CAMSAP2: variants seen among roughly 807,000 people sequenced by gnomAD.
CAMSAP2 encodes calmodulin regulated spectrin associated protein family member 2, also known as calmodulin-regulated spectrin-associated protein 2.
In CAMSAP2, 26 loss-of-function variants were observed where a neutral mutation model predicts 146.1. The ratio of observed to expected loss-of-function variants is 0.18; its 90% CI spans 0.13 to 0.25. The LOEUF (loss-of-function observed/expected upper bound fraction) is 0.25. Among genes scored for constraint, CAMSAP2 ranks in the 10% least tolerant of loss-of-function variants. The probability of loss-of-function intolerance (pLI) is 1.00; values close to 1 mark genes in which losing one functional copy is unlikely to be tolerated. For synonymous variants in CAMSAP2, 499 were observed against 596.6 expected, an observed-to-expected ratio of 0.84 and a Z score of 2.38; for missense variants, 1,381 against 1,759.3, an observed-to-expected ratio of 0.78 and a Z score of 3.85.
chr1:200,759,864 AGAG>A (rs1469888884), intron 1 of CAMSAP2, among the ~76,000 whole-genome samples: 1 of 152,206 alleles, frequency 6.6e-6, no homozygotes. Context: ...TAAGAAATGG[AGAG>A]GAGGAGGAAG....
intron 4 of CAMSAP2, among the ~76,000 whole-genome samples, chr1:200,825,041 AT>A (rs926617015): frequency 2.8e-4 from 42 of 151,394 alleles, no homozygotes; most frequent in African/African-American, 4.1e-4. Flanking sequence ...TTTGTTTGCA[AT>A]TTTTTTTTAG....
intron 2 of CAMSAP2, among the ~76,000 whole-genome samples, chr1:200,768,888 G>A (rs370057490): frequency 6.6e-6 from 1 of 152,150 alleles, no homozygotes; most frequent in East Asian, 1.9e-4. Flanking sequence ...TCCTGACCTC[G>A]TGATCCACCC....
In CAMSAP2 at chr1:200,856,091, A is replaced by T; in HGVS notation, c.3978A>T (p.Thr1326=). The T allele has an allele frequency of 6.2e-6, 10 of 1,613,796 alleles. No individual in the cohort carries two copies. Among genetic ancestry groups the T allele is most frequent in the Non-Finnish European group, 8.5e-6 (10 of 1,179,684 alleles). Residue 1326 remains threonine, a synonymous_variant, in exon 15 of 17, where the codon ACA becomes ACT. Transcript: ENST00000358823. ...NGEKDWENAS[T]TSSVASGTEY... is the part of the protein sequence containing the mutation. ...AAAAAGACTGGGAGAATGCATCAACAACTTCTTCAGTGGCTTCTGGAACAG... is the reference window on the plus strand; with the variant it reads ...AAAAAGACTGGGAGAATGCATCAACTACTTCTTCAGTGGCTTCTGGAACAG...
chr1:200,822,047 TCAGATTCATCAGTTTTTCAA>T (rs1341333094), intron 4 of CAMSAP2, among the ~76,000 whole-genome samples: 1 of 152,064 alleles, frequency 6.6e-6, no homozygotes, highest in African/African-American at 2.4e-5. Context: ...CAAACTCTGT[TCAGATTCATCAGTTTTTCAA>T]CAGATTCATC....
At position 200,853,655 on chromosome 1, in the gene CAMSAP2, ATAAAT is replaced by A. The variant is rs936146484; in HGVS notation, c.3823+166_3823+170del. Among the ~76,000 whole-genome samples, 17 of 152,274 alleles carry A rather than the reference ATAAAT, an allele frequency of 1.1e-4. No homozygotes were observed. Among genetic ancestry groups the A allele is most frequent in the African/African-American group, 3.6e-4 (15 of 41,478 alleles). Reference sequence around the variant, plus strand: ...CCAAAATGAGCAAATGAAGTTTTTAATAAATTAAATGTATTATGTGTGCATGCATA... The same window carrying A: ...CCAAAATGAGCAAATGAAGTTTTTAATAAATGTATTATGTGTGCATGCATA... On this transcript the variant is annotated intron_variant, in intron 13 of 16. Transcript: ENST00000358823. This position sits in a 1 kb window ranked among gnomAD's most constrained non-coding sequence, Gnocchi z 5.1.
chr1:200,766,739 C>T (rs1253271981), intron 2 of CAMSAP2, among the ~76,000 whole-genome samples: 4 of 151,916 alleles, frequency 2.6e-5, no homozygotes, highest in Admixed American at 6.6e-5. Flanking sequence ...ATTGTATTTT[C>T]GTCTTTGCCT....
At chr1:200,830,114 G>A (rs1308301426) in intron 4 of CAMSAP2, among the ~76,000 whole-genome samples, 1 of 152,212 alleles carries the variant, frequency 6.6e-6, no homozygotes, top group African/African-American at 2.4e-5. Flanking sequence ...GCATGTTCAA[G>A]TACAAAAGAC....
rs1482466466 is a variant in CAMSAP2 at position 200,859,495 on chromosome 1, T to C, written c.*1436T>C. 1.3e-5 allele frequency: 2 copies of C among 152,702 alleles called. No individual in the cohort carries two copies. The highest frequency in any genetic ancestry group is 1.9e-4 in the East Asian group (1 of 5,332). 9.5% of individuals were successfully genotyped at this position (152,702 alleles called of 1,614,324 possible). A position where few individuals can be genotyped will look rare whatever the true frequency, so the allele number is the denominator to read the frequency against. On this transcript the variant is annotated 3_prime_UTR_variant, in exon 17 of 17. Coordinates refer to ENST00000358823, the MANE Select transcript of CAMSAP2 (RefSeq NM_203459.4). Reference sequence around the variant, plus strand: ...TACTTTTCTATTATTATAAGGCCTTTAGGCATCAGTGCATCTGGGTTATCA... The same window carrying C: ...TACTTTTCTATTATTATAAGGCCTTCAGGCATCAGTGCATCTGGGTTATCA...
intron 1 of CAMSAP2, among the ~76,000 whole-genome samples, chr1:200,744,061 C>T (rs1426581190): frequency 6.6e-6 from 1 of 152,134 alleles, no homozygotes; most frequent in Non-Finnish European, 1.5e-5. Flanking sequence ...CTCATGACAG[C>T]CTTTTGAGGT....
At chr1:200,851,077 A>G (rs1343687630) in intron 11 of CAMSAP2, among the ~76,000 whole-genome samples, 3 of 152,204 alleles carry the variant, frequency 2.0e-5, no homozygotes, top group African/African-American at 4.8e-5. Flanking sequence ...TTGTGTATCT[A>G]TTGTATCCTT....
chr1:200,831,269 T>G (rs1273398889), intron 4 of CAMSAP2, among the ~76,000 whole-genome samples: 3 of 152,250 alleles, frequency 2.0e-5, no homozygotes, highest in African/African-American at 7.2e-5. Context: ...ATTGATTGCT[T>G]GCTGTGTGCC....
At chr1:200,759,381 C>G (rs1259423310) in intron 1 of CAMSAP2, among the ~76,000 whole-genome samples, 1 of 151,290 alleles carries the variant, frequency 6.6e-6, no homozygotes, top group Non-Finnish European at 1.5e-5. Context: ...TAGGTTCAAG[C>G]AATTCTACTG....
At chr1:200,799,302 GT>G (rs943996973) in intron 2 of CAMSAP2, among the ~76,000 whole-genome samples, 7 of 146,674 alleles carry the variant, frequency 4.8e-5, no homozygotes, top group South Asian at 2.2e-4. Context: ...TAGTCCTGGG[GT>G]TTTTTTTTTG....
rs1016211457 is a variant in CAMSAP2 at position 200,858,849 on chromosome 1, A to T, written c.*790A>T. On this transcript the variant is annotated 3_prime_UTR_variant, in exon 17 of 17. Transcript: ENST00000358823. ...TTCTGGCCAACTCAGAATAATTTAG[A>T]TTGTTCTTTTAACAAAAAAGGCTTT... 1 of 152,574 alleles carries T rather than the reference A, an allele frequency of 6.6e-6. No individual in the cohort carries two copies. The highest frequency in any genetic ancestry group is 2.4e-5 in the African/African-American group (1 of 41,444). 9.5% of individuals were successfully genotyped at this position (152,574 alleles called of 1,614,324 possible). A position where few individuals can be genotyped will look rare whatever the true frequency, so the allele number is the denominator to read the frequency against.
At chr1:200,774,826 C>G (rs1014859616) in intron 2 of CAMSAP2, among the ~76,000 whole-genome samples, 1 of 152,116 alleles carries the variant, frequency 6.6e-6, no homozygotes, top group Non-Finnish European at 1.5e-5. Context: ...CTAAGAATTT[C>G]CTGGAGGGAA....
At chr1:200,744,253 A>G (rs972836293) in intron 1 of CAMSAP2, among the ~76,000 whole-genome samples, 1 of 152,216 alleles carries the variant, frequency 6.6e-6, no homozygotes, top group African/African-American at 2.4e-5. Flanking sequence ...CAAATGATAG[A>G]AAAAATGTTG....
At chr1:200,768,804 C>T (rs1308516326) in intron 2 of CAMSAP2, among the ~76,000 whole-genome samples, 1 of 152,196 alleles carries the variant, frequency 6.6e-6, no homozygotes, top group South Asian at 2.1e-4. Context: ...CAGGCGTGTG[C>T]CACCACGCCT....
intron 2 of CAMSAP2, among the ~76,000 whole-genome samples, chr1:200,778,390 G>A (rs906740587): frequency 6.6e-6 from 1 of 152,140 alleles, no homozygotes; most frequent in African/African-American, 2.4e-5. Context: ...AGAATTAAGT[G>A]TTTTGGGGGA....
intron 1 of CAMSAP2, among the ~76,000 whole-genome samples, chr1:200,743,598 A>T (rs890275106): frequency 6.6e-6 from 1 of 152,064 alleles, no homozygotes; most frequent in African/African-American, 2.4e-5. Flanking sequence ...AAAAAAAAAA[A>T]AGAAGTTCAT....
Sources: allele counts gnomAD v4.1 joint callset (sites outside exome capture counted in the v4.1 genomes callset), GRCh38; gene constraint gnomAD v4.1.1; non-coding constraint Gnocchi (gnomAD v3.1); transcripts MANE v1.5; gene names NCBI Gene and HGNC (gene_info 2026-07-23, HGNC 2026-07-21).